ROR2: variants seen among roughly 807,000 people sequenced by gnomAD.
ROR2 encodes ROR family WNT receptor 2.
A neutral mutation model predicts 74.9 loss-of-function variants in ROR2; 33 were observed. The ratio of observed to expected loss-of-function variants is 0.44; its 90% CI spans 0.33 to 0.59. ROR2 has a LOEUF of 0.59. ROR2 is among the 20% of genes least tolerant of loss of function. The pLI is 0.02. For synonymous variants in ROR2, 586 were observed against 558.7 expected, an observed-to-expected ratio of 1.05 and a Z score of -0.69; for missense variants, 1,216 against 1,313.8, an observed-to-expected ratio of 0.93 and a Z score of 1.15.
At chr9:91,873,801 C>T (rs904462809) in intron 1 of ROR2, among the ~76,000 whole-genome samples, 2 of 152,134 alleles carry the variant, frequency 1.3e-5, no homozygotes, top group East Asian at 1.9e-4. Context: ...TCTCAGAGTC[C>T]GAAGCCGTGT....
chr9:91,943,654 T>C (rs1262376810), intron 1 of ROR2, among the ~76,000 whole-genome samples: 1 of 152,186 alleles, frequency 6.6e-6, no homozygotes, highest in Non-Finnish European at 1.5e-5. Flanking sequence ...CAGGTTGTTG[T>C]TTCTCCTGTA....
intron 1 of ROR2, among the ~76,000 whole-genome samples, chr9:91,885,581 A>G (rs1054282967): frequency 3.3e-5 from 5 of 152,166 alleles, no homozygotes; most frequent in South Asian, 2.1e-4. Flanking sequence ...CCTGGGTGAG[A>G]CCGAGATCTG....
intron 2 of ROR2, among the ~76,000 whole-genome samples, chr9:91,766,969 A>T (rs1826075369): frequency 6.6e-6 from 1 of 152,202 alleles, no homozygotes; most frequent in Non-Finnish European, 1.5e-5. Context: ...GTGCACTGCA[A>T]ATCTCTGGAC....
At chr9:91,940,970 T>C (rs529879963) in intron 1 of ROR2, among the ~76,000 whole-genome samples, 12 of 151,826 alleles carry the variant, frequency 7.9e-5, no homozygotes, top group Non-Finnish European at 1.5e-4. Flanking sequence ...CAGCCATCCA[T>C]TGTTAGAATT....
chr9:91,896,906 G>A (rs1830550624), intron 1 of ROR2, among the ~76,000 whole-genome samples: 1 of 152,126 alleles, frequency 6.6e-6, no homozygotes, highest in South Asian at 2.1e-4. Context: ...CCAGGCCCCA[G>A]CAAACACCGT....
intron 1 of ROR2, among the ~76,000 whole-genome samples, chr9:91,931,631 A>G (rs1831551648): frequency 6.6e-6 from 1 of 152,204 alleles, no homozygotes; most frequent in African/African-American, 2.4e-5. Flanking sequence ...AAAAAAAATC[A>G]AATTCCCTAA....
At chr9:91,814,519 G>A (rs1827864422) in intron 1 of ROR2, among the ~76,000 whole-genome samples, 1 of 152,186 alleles carries the variant, frequency 6.6e-6, no homozygotes, top group Non-Finnish European at 1.5e-5. Flanking sequence ...GACAAGCCAT[G>A]ACTTCTGAAC....
chr9:91,897,587 G>C (rs1830566864), intron 1 of ROR2, among the ~76,000 whole-genome samples: 1 of 150,824 alleles, frequency 6.6e-6, no homozygotes, highest in East Asian at 2.0e-4. Flanking sequence ...TTCCAGGTGG[G>C]GGGAACCACC....
chr9:91,903,734 G>A (rs1217654879), intron 1 of ROR2, among the ~76,000 whole-genome samples: 1 of 151,998 alleles, frequency 6.6e-6, no homozygotes, highest in African/African-American at 2.4e-5. Context: ...AGACAAAGAG[G>A]AACAAAAACA....
chr9:91,899,468 C>T (rs368755513), intron 1 of ROR2, among the ~76,000 whole-genome samples: 1 of 152,130 alleles, frequency 6.6e-6, no homozygotes, highest in Non-Finnish European at 1.5e-5. Context: ...ATGTGAACAC[C>T]ACCCTACCAG....
At chr9:91,940,413 A>G (rs1184212882) in intron 1 of ROR2, among the ~76,000 whole-genome samples, 2 of 152,182 alleles carry the variant, frequency 1.3e-5, no homozygotes, top group Non-Finnish European at 2.9e-5. Flanking sequence ...TGTGTGTTGG[A>G]ATTTCTATAA....
At chr9:91,883,295 G>A (rs1424672977) in intron 1 of ROR2, 1 of 152,152 alleles carries the variant, frequency 6.6e-6, no homozygotes, top group African/African-American at 2.4e-5. Flanking sequence ...ACAGGAACTG[G>A]GGATGAAGTT....
intron 1 of ROR2, among the ~76,000 whole-genome samples, chr9:91,841,993 C>T (rs1415481809): frequency 2.0e-5 from 3 of 152,126 alleles, no homozygotes; most frequent in East Asian, 1.9e-4. Context: ...AGGATGTGGA[C>T]CTCTGATGGA....
intron 1 of ROR2, among the ~76,000 whole-genome samples, chr9:91,885,692 C>T (rs943746046): frequency 2.6e-5 from 4 of 152,162 alleles, no homozygotes; most frequent in Non-Finnish European, 5.9e-5. Flanking sequence ...TGATTTTTCT[C>T]CCACATGACC....
intron 1 of ROR2, among the ~76,000 whole-genome samples, chr9:91,790,365 C>T (rs139357979): frequency 5.3e-5 from 8 of 151,774 alleles, no homozygotes; most frequent in East Asian, 3.9e-4. Flanking sequence ...CAAAAATTAG[C>T]TGGGTGTGGT....
At position 91,799,430 on chromosome 9, in the gene ROR2, G is replaced by A. The variant is rs888923054; in HGVS notation, c.98-23612C>T. Among the ~76,000 whole-genome samples the A allele has an allele frequency of 2.0e-5, 3 of 152,126 alleles. No homozygotes were observed. In the South Asian group the frequency reaches 6.2e-4, roughly 31 times the overall value. On this transcript the variant is annotated intron_variant, in intron 1 of 8. Transcript: ENST00000375708. The stretch of plus-strand genomic sequence containing the variant: ...CCAGCCCACCTTACATTCTCCCTGC[G>A]GGCTCTCAGCACGGAGGTGGCCAGC...
intron 4 of ROR2, among the ~76,000 whole-genome samples, chr9:91,746,323 C>G (rs924904876): frequency 6.6e-6 from 1 of 152,128 alleles, no homozygotes; most frequent in African/African-American, 2.4e-5. Context: ...GTGATCAGCC[C>G]GCCCTGGCCT....
chr9:91,766,667 G>A (rs928064418), intron 2 of ROR2, among the ~76,000 whole-genome samples: 5 of 152,062 alleles, frequency 3.3e-5, no homozygotes, highest in Admixed American at 1.3e-4. Flanking sequence ...TGCAAAATAC[G>A]GGGTTTGTAT....
At chr9:91,915,072 C>T (rs1255114906) in intron 1 of ROR2, among the ~76,000 whole-genome samples, 1 of 152,128 alleles carries the variant, frequency 6.6e-6, no homozygotes. Context: ...CCGAGAACAG[C>T]AGGGGCGGCT....
Sources: gnomAD v4.1 joint callset for allele counts (sites outside exome capture counted in the v4.1 genomes callset) on GRCh38, gnomAD v4.1.1 for gene constraint, MANE v1.5 for transcripts, NCBI Gene and HGNC (gene_info 2026-07-23, HGNC 2026-07-21) for gene names.